LIN28B: variants seen among roughly 807,000 people sequenced by gnomAD.
LIN28B encodes protein lin-28 homolog B.
LIN28B carries 5 observed loss-of-function variants against 21.9 expected under a neutral mutation model. The observed-to-expected ratio is 0.23, with a 90% CI of 0.12 to 0.48. LIN28B has a LOEUF of 0.48. Among genes scored for constraint, LIN28B ranks in the 20% least tolerant of loss-of-function variants. The pLI, the probability that LIN28B is intolerant of heterozygous loss-of-function variation, is 0.98. For synonymous variants in LIN28B, 109 were observed against 111.3 expected, an observed-to-expected ratio of 0.98 and a Z score of 0.13; for missense variants, 245 against 310.5, an observed-to-expected ratio of 0.79 and a Z score of 1.58.
intron 2 of LIN28B, among the ~76,000 whole-genome samples, chr6:104,964,840 A>G (rs915632674): frequency 1.3e-5 from 2 of 152,192 alleles, no homozygotes; most frequent in African/African-American, 4.8e-5. Flanking sequence ...CTTCTTTTCC[A>G]ATATCTAAAT....
At chr6:104,938,097 A>G (rs1431601584) in intron 2 of LIN28B, among the ~76,000 whole-genome samples, 1 of 151,272 alleles carries the variant, frequency 6.6e-6, no homozygotes, top group African/African-American at 2.4e-5. Context: ...AAAAAAACCA[A>G]AAAAAACAAA....
intron 2 of LIN28B, among the ~76,000 whole-genome samples, chr6:104,949,183 G>A (rs1251230232): frequency 6.6e-6 from 1 of 152,086 alleles, no homozygotes; most frequent in Non-Finnish European, 1.5e-5. Flanking sequence ...CAGTTGTGCT[G>A]AAATATTTAT....
chr6:104,974,755 AAAAT>A (rs1222934492), intron 2 of LIN28B, among the ~76,000 whole-genome samples: 1 of 152,006 alleles, frequency 6.6e-6, no homozygotes, highest in African/African-American at 2.4e-5. Context: ...AAAGATAAAA[AAAAT>A]AAATATTGCA....
chr6:105,056,261 A>ATTTT (rs146221243), intron 3 of LIN28B, among the ~76,000 whole-genome samples: 96,971 of 150,444 alleles, frequency 0.64, 33,795 homozygotes, highest in East Asian at 0.82. Context: ...ATGCGTAGTA[A>ATTTT]TTTTTTTATT....
intron 2 of LIN28B, among the ~76,000 whole-genome samples, chr6:104,990,769 C>G (rs6935925): frequency 0.018 from 2,791 of 151,886 alleles, 89 homozygotes; most frequent in African/African-American, 0.062. Context: ...TGACTCTTAA[C>G]GAGCATGCTG....
chr6:104,955,883 A>G (rs978949818), upstream of LIN28B, among the ~76,000 whole-genome samples: 1 of 152,160 alleles, frequency 6.6e-6, no homozygotes, highest in African/African-American at 2.4e-5. Flanking sequence ...TTATTATAGT[A>G]TTCGATAAGG....
At chr6:104,961,935 T>G (rs1268764681) in intron 2 of LIN28B, among the ~76,000 whole-genome samples, 1 of 152,320 alleles carries the variant, frequency 6.6e-6, no homozygotes, top group Non-Finnish European at 1.5e-5. Context: ...AATTAAATAT[T>G]AGATCTCTTT....
At chr6:105,013,685 T>C (rs762679062) in intron 2 of LIN28B, among the ~76,000 whole-genome samples, 52 of 150,548 alleles carry the variant, frequency 3.5e-4, no homozygotes, top group Non-Finnish European at 6.5e-4. Flanking sequence ...GTCACACCAC[T>C]GCACTTCAGC....
chr6:105,015,775 A>G (rs1771014894), intron 2 of LIN28B, among the ~76,000 whole-genome samples: 1 of 152,186 alleles, frequency 6.6e-6, no homozygotes, highest in Non-Finnish European at 1.5e-5. Flanking sequence ...TAGAGGCAAT[A>G]CCATGCCAGA....
intron 3 of LIN28B, among the ~76,000 whole-genome samples, chr6:105,032,199 T>TTGTGACAATTATGAATA (rs1323564091): frequency 6.6e-6 from 1 of 152,146 alleles, no homozygotes; most frequent in African/African-American, 2.4e-5. Context: ...TGGTGTCCAG[T>TTGTGACAATTATGAATA]TGTGACAATT....
intron 2 of LIN28B, among the ~76,000 whole-genome samples, chr6:104,958,976 C>T (rs1461427710): frequency 6.6e-6 from 1 of 152,140 alleles, no homozygotes; most frequent in Non-Finnish European, 1.5e-5. Context: ...AGAGGCGGCT[C>T]TTGCTTGTGT....
chr6:105,004,281 C>G (rs151259053), intron 2 of LIN28B, among the ~76,000 whole-genome samples: 1 of 152,120 alleles, frequency 6.6e-6, no homozygotes, highest in Middle Eastern at 3.2e-3. Context: ...CACCCAGGAT[C>G]AATACTTTGC....
chr6:104,941,530 G>A (rs1778094017), intron 2 of LIN28B: 1 of 150,014 alleles, frequency 6.7e-6, no homozygotes, highest in Admixed American at 6.7e-5. Flanking sequence ...TCCCGGCGGC[G>A]GGTCCTCGCG....
chr6:105,046,342 G>A (rs1442016945), intron 3 of LIN28B, among the ~76,000 whole-genome samples: 7 of 152,154 alleles, frequency 4.6e-5, no homozygotes. Context: ...CAAAGGACAT[G>A]AACTCATCCT....
At chr6:105,000,169 T>G (rs1002346876) in intron 2 of LIN28B, among the ~76,000 whole-genome samples, 5 of 148,634 alleles carry the variant, frequency 3.4e-5, no homozygotes, top group African/African-American at 9.8e-5. Context: ...CTTAAAATGT[T>G]CAATTCTATG....
At chr6:104,937,973 G>A (rs1778029482) in intron 2 of LIN28B, among the ~76,000 whole-genome samples, 1 of 142,724 alleles carries the variant, frequency 7.0e-6, no homozygotes, top group Non-Finnish European at 1.5e-5. Context: ...AGTGCTTTGG[G>A]AGGCCAAGAC....
At chr6:104,945,000 AT>A (rs1400849780) in intron 2 of LIN28B, among the ~76,000 whole-genome samples, 1 of 152,108 alleles carries the variant, frequency 6.6e-6, no homozygotes, top group African/African-American at 2.4e-5. Context: ...ATCAGTATTT[AT>A]TTTACAGACT....
At chr6:105,051,824 G>A (rs1771912397) in intron 3 of LIN28B, among the ~76,000 whole-genome samples, 1 of 152,152 alleles carries the variant, frequency 6.6e-6, no homozygotes, top group Non-Finnish European at 1.5e-5. Flanking sequence ...GCAGAGAATG[G>A]AACATACCAG....
chr6:104,977,856 G>C (rs4945714), intron 2 of LIN28B, among the ~76,000 whole-genome samples: 19 of 152,066 alleles, frequency 1.2e-4, no homozygotes, highest in Non-Finnish European at 2.1e-4. Flanking sequence ...GTGAGCCACC[G>C]CACCCGACCA....
Sources: allele counts gnomAD v4.1 joint callset (sites outside exome capture counted in the v4.1 genomes callset), GRCh38; gene constraint gnomAD v4.1.1; transcripts MANE v1.5; gene names NCBI Gene and HGNC (gene_info 2026-07-23, HGNC 2026-07-21).